PTPN14: variants seen among roughly 807,000 people sequenced by gnomAD.
The protein encoded by PTPN14 is protein tyrosine phosphatase non-receptor type 14.
Under a neutral mutation model 126.8 loss-of-function variants are expected in PTPN14, and 53 were observed. That is an observed-to-expected ratio of 0.42 (90% CI 0.34 to 0.53). PTPN14 has a LOEUF of 0.53. Among genes scored for constraint, PTPN14 ranks in the 20% least tolerant of loss-of-function variants. The pLI is 0.08. For synonymous variants in PTPN14, 630 were observed against 599.3 expected (o/e 1.05, Z -0.75); for missense variants, 1,257 against 1,552.9 (o/e 0.81, Z 3.20).
At chr1:214,382,283 T>G (rs531069520) in intron 13 of PTPN14, among the ~76,000 whole-genome samples, 1 of 152,198 alleles carries the variant, frequency 6.6e-6, no homozygotes, top group South Asian at 2.1e-4. Flanking sequence ...TGTGCCTGCA[T>G]AGTCCTGTTC....
At chr1:214,411,647 G>A (rs750557593) in intron 5 of PTPN14, 37 bp downstream of exon 5, 2 of 1,363,290 alleles carry the variant, frequency 1.5e-6, no homozygotes, top group East Asian at 2.5e-5. Context: ...TCCAAAGAAG[G>A]TAGAAAATTA....
chr1:214,513,119 T>C (rs1655017429), intron 1 of PTPN14, among the ~76,000 whole-genome samples: 1 of 151,496 alleles, frequency 6.6e-6, no homozygotes, highest in South Asian at 2.1e-4. Context: ...AAATGAAAAA[T>C]GATCTGGTCT....
Position 214,382,914 on chromosome 1 carries a change from G to C in PTPN14, c.2544+397C>G, listed in dbSNP as rs77293091. ...GAGTCTTGACTTACGGATCTATACA[G>C]AAGGCGGTATAGGGATGTTGCTCTT... On this transcript the variant is annotated intron_variant, in intron 13 of 18. Coordinates refer to ENST00000366956, the MANE Select transcript of PTPN14 (RefSeq NM_005401.5). 1.0e-3 allele frequency among the ~76,000 whole-genome samples: 154 copies of C among 152,332 alleles called. 2 individuals are homozygous for C. The East Asian group carries it at 0.027, about 27-fold the overall frequency.
At chr1:214,503,560 T>C (rs371070948) in intron 1 of PTPN14, among the ~76,000 whole-genome samples, 4 of 152,238 alleles carry the variant, frequency 2.6e-5, no homozygotes, top group South Asian at 4.1e-4. Flanking sequence ...TACAGAATTA[T>C]TACATTTCAG....
At position 214,551,195 on chromosome 1, in the gene PTPN14, C is replaced by G. The variant is rs1206719910; in HGVS notation, c.-167G>C. 1.3e-5 allele frequency: 2 copies of G among 152,348 alleles called. No homozygotes were observed. The highest frequency in any genetic ancestry group is 2.4e-5 in the African/African-American group (1 of 41,472). 9.4% of individuals were successfully genotyped at this position (152,348 alleles called of 1,614,324 possible). A position where few individuals can be genotyped will look rare whatever the true frequency, so the allele number is the denominator to read the frequency against. On this transcript the variant is annotated 5_prime_UTR_variant, in exon 1 of 19. Coordinates refer to ENST00000366956, the MANE Select transcript of PTPN14 (RefSeq NM_005401.5). ...GGACGGGGCTTACCTGCTTACATGG[C>G]CCCCGTGGCGCCCCGGAGTCCCGCG...
At chr1:214,459,760 C>A (rs1418080577) in intron 2 of PTPN14, among the ~76,000 whole-genome samples, 2 of 152,202 alleles carry the variant, frequency 1.3e-5, no homozygotes, top group East Asian at 3.9e-4. Context: ...AGCCACCACG[C>A]CTGGCCGATC....
chr1:214,530,769 G>A (rs961635390), intron 1 of PTPN14: 22 of 148,202 alleles, frequency 1.5e-4, no homozygotes, highest in African/African-American at 4.4e-4. Flanking sequence ...AAATATTTAC[G>A]ACGAGTACGA....
At chr1:214,528,282 C>T (rs1000499326) in intron 1 of PTPN14, 18 of 152,076 alleles carry the variant, frequency 1.2e-4, no homozygotes, top group African/African-American at 3.6e-4. Flanking sequence ...TGTACAAAGA[C>T]GTTAATGGTA....
intron 3 of PTPN14, among the ~76,000 whole-genome samples, chr1:214,433,789 G>T (rs1659845312): frequency 6.6e-6 from 1 of 151,966 alleles, no homozygotes; most frequent in Non-Finnish European, 1.5e-5. Context: ...GGCCACATCT[G>T]TCAAAAATTA....
intron 3 of PTPN14, among the ~76,000 whole-genome samples, chr1:214,424,048 A>T (rs557640596): frequency 1.3e-5 from 2 of 152,174 alleles, no homozygotes; most frequent in South Asian, 4.2e-4. Context: ...CTGTAATCCC[A>T]GCACTTTGGG....
At chr1:214,404,901 G>A (rs541520314) in intron 5 of PTPN14, among the ~76,000 whole-genome samples, 1 of 152,232 alleles carries the variant, frequency 6.6e-6, no homozygotes, top group African/African-American at 2.4e-5. Context: ...AAGCTCCAGT[G>A]GAACCAAGGA....
intron 1 of PTPN14, among the ~76,000 whole-genome samples, chr1:214,482,045 TCTCAAGACA>T (rs982018189): frequency 1.3e-5 from 2 of 150,990 alleles, no homozygotes; most frequent in African/African-American, 2.4e-5. Context: ...GCATGGATAC[TCTCAAGACA>T]CTCAAGACAA....
chr1:214,357,733 G>T lies in PTPN14; in HGVS notation c.*189C>A. 2.1e-6 allele frequency: 1 copy of T among 466,322 alleles called. No individual in the cohort carries two copies. Among genetic ancestry groups the T allele is most frequent in the Non-Finnish European group, 3.9e-6 (1 of 257,454 alleles). The allele number at this position is 466,322 out of a possible 1,614,324, so 28.9% of individuals were successfully genotyped here. On this transcript the variant is annotated 3_prime_UTR_variant, in exon 19 of 19. Coordinates refer to ENST00000366956, the MANE Select transcript of PTPN14 (RefSeq NM_005401.5). Reference sequence around the variant, plus strand: ...ATAATTCACAAAAGTTATTCCAAAGGGGAAAAAAATAAATTATCTCATATA... The same window carrying T: ...ATAATTCACAAAAGTTATTCCAAAGTGGAAAAAAATAAATTATCTCATATA...
chr1:214,427,208 T>C (rs761511493), intron 3 of PTPN14, among the ~76,000 whole-genome samples: 18 of 144,892 alleles, frequency 1.2e-4, no homozygotes, highest in Non-Finnish European at 1.8e-4. Context: ...AACCAGGGAG[T>C]TGGAGTTTGC....
At chr1:214,531,535 CA>C (rs1655548020) in intron 1 of PTPN14, 1 of 152,814 alleles carries the variant, frequency 6.5e-6, no homozygotes, top group Non-Finnish European at 1.5e-5. Context: ...CACACACACA[CA>C]CACACATTCT....
chr1:214,452,643 G>A (rs1660297204), intron 2 of PTPN14, among the ~76,000 whole-genome samples: 2 of 152,152 alleles, frequency 1.3e-5, no homozygotes, highest in Non-Finnish European at 2.9e-5. Context: ...ATTATGGTGG[G>A]ATTTGTTAGA....
At chr1:214,515,643 T>C (rs1315074156) in intron 1 of PTPN14, among the ~76,000 whole-genome samples, 1 of 152,234 alleles carries the variant, frequency 6.6e-6, no homozygotes, top group African/African-American at 2.4e-5. Flanking sequence ...CATTGACGTT[T>C]TGTGGTTTTT....
rs1163107684 is a variant in PTPN14, at chr1:214,394,948, G to A, written c.797C>T (p.Thr266Ile). The part of the protein sequence containing the change: ...DMGNITHNKS[T>I]ILVELINKEE... ...TTTGTTGATGAGCTCCACTAGAATG[G>A]TCGACTTGTTATGAGTGATATTCCC... is the stretch of plus-strand genomic sequence containing the variant. Residue 266 changes from threonine (T) to isoleucine (I), a missense_variant, in exon 9 of 19, where the codon ACC (threonine) becomes ATC (isoleucine). Physicochemically the swap from Thr to Ile is moderately conservative, Grantham distance 89. Transcript: ENST00000366956. The A allele has an allele frequency of 6.2e-7, 1 of 1,613,656 alleles. No individual in the cohort carries two copies. Among genetic ancestry groups the A allele is most frequent in the African/African-American group, 1.3e-5 (1 of 74,934 alleles).
chr1:214,489,436 T>C (rs1156747882), intron 1 of PTPN14, among the ~76,000 whole-genome samples: 3 of 152,162 alleles, frequency 2.0e-5, no homozygotes, highest in African/African-American at 7.2e-5. Context: ...CCGTTTCTAA[T>C]CTCCAAGCCT....
Sources: allele counts gnomAD v4.1 joint callset (sites outside exome capture counted in the v4.1 genomes callset), GRCh38; gene constraint gnomAD v4.1.1; transcripts MANE v1.5; gene names NCBI Gene and HGNC (gene_info 2026-07-23, HGNC 2026-07-21).